Variants in C13orf42 observed in about 807,000 individuals in gnomAD.
C13orf42 encodes the protein uncharacterized protein C13orf42.
intron 1 of C13orf42, among the ~76,000 whole-genome samples, chr13:51,137,912 A>G (rs765803950): frequency 6.6e-6 from 1 of 152,178 alleles, no homozygotes; most frequent in Non-Finnish European, 1.5e-5. Context: ...TTACTTACAA[A>G]TGTGCCATGG....
intron 1 of C13orf42, among the ~76,000 whole-genome samples, chr13:51,129,485 T>A (rs895853083): frequency 6.6e-6 from 1 of 152,064 alleles, no homozygotes; most frequent in Non-Finnish European, 1.5e-5. Flanking sequence ...CGCCTGAAGA[T>A]CCCTTCATGA....
intron 2 of C13orf42, among the ~76,000 whole-genome samples, chr13:51,086,032 C>T (rs940465249): frequency 2.0e-5 from 3 of 150,408 alleles, no homozygotes; most frequent in Non-Finnish European, 3.0e-5. Flanking sequence ...AAAGGCCAGG[C>T]GTGGTGGCTC....
intron 1 of C13orf42, among the ~76,000 whole-genome samples, chr13:51,131,030 T>C (rs1322372528): frequency 6.6e-6 from 1 of 152,192 alleles, no homozygotes; most frequent in Non-Finnish European, 1.5e-5. Flanking sequence ...ACATATTAGC[T>C]AAAGCTAAAG....
At position 51,124,409 on chromosome 13, in the gene C13orf42, A is replaced by G. The variant is rs903854282; in HGVS notation, n.137-11187T>C. Among the ~76,000 whole-genome samples the G allele has an allele frequency of 2.6e-5, 4 of 152,320 alleles. No individual in the cohort carries two copies. The East Asian group carries it at 7.7e-4, about 29-fold the overall frequency. On this transcript the variant is annotated intron_variant and non_coding_transcript_variant, in intron 1 of 4. Coordinates refer to the C13orf42 transcript ENST00000433280. Reference sequence around the variant, plus strand: ...TAAATCGGCTGTCTAGGCTGCGGACAAGGTGAATCCACTGGGCGGTTACAT... The same window carrying G: ...TAAATCGGCTGTCTAGGCTGCGGACGAGGTGAATCCACTGGGCGGTTACAT...
chr13:51,104,678 G>A (rs965568749), intron 1 of C13orf42, among the ~76,000 whole-genome samples: 3 of 151,882 alleles, frequency 2.0e-5, no homozygotes, highest in Admixed American at 6.6e-5. Flanking sequence ...AAATTAGATG[G>A]TGGTGAAGAT....
At chr13:51,147,413 G>A (rs1405325841) in intron 1 of C13orf42, among the ~76,000 whole-genome samples, 4 of 148,874 alleles carry the variant, frequency 2.7e-5, no homozygotes, top group African/African-American at 1.0e-4. Flanking sequence ...TGATCCTCCA[G>A]GGCTCTGTGG....
chr13:51,170,468 T>A (rs9316525), intron 1 of C13orf42, among the ~76,000 whole-genome samples: 1 of 152,024 alleles, frequency 6.6e-6, no homozygotes, highest in Non-Finnish European at 1.5e-5. Context: ...ATCCGGTAAG[T>A]GGCCTCTTTT....
At chr13:51,156,235 T>C (rs1038969045) in intron 1 of C13orf42, among the ~76,000 whole-genome samples, 3 of 151,854 alleles carry the variant, frequency 2.0e-5, no homozygotes, top group African/African-American at 7.3e-5. Context: ...TAGGCCTATA[T>C]TTCTACTTTA....
intron 1 of C13orf42, among the ~76,000 whole-genome samples, chr13:51,158,625 T>A (rs1953840627): frequency 6.6e-6 from 1 of 152,168 alleles, no homozygotes; most frequent in African/African-American, 2.4e-5. Context: ...TCCAGCAGGG[T>A]CTGTCTCTGG....
chr13:51,098,206 T>C (rs1277569674), intron 1 of C13orf42, among the ~76,000 whole-genome samples: 1 of 152,114 alleles, frequency 6.6e-6, no homozygotes, highest in Non-Finnish European at 1.5e-5. Context: ...GTACCTGAGA[T>C]GCTCCCTTCC....
intron 1 of C13orf42, among the ~76,000 whole-genome samples, chr13:51,166,146 T>C (rs868437640): frequency 3.9e-5 from 6 of 152,194 alleles, no homozygotes; most frequent in Non-Finnish European, 7.4e-5. Flanking sequence ...TTAATGAACT[T>C]ACTTTCTGGT....
At chr13:51,167,420 T>A (rs1953911846) in intron 1 of C13orf42, among the ~76,000 whole-genome samples, 1 of 152,204 alleles carries the variant, frequency 6.6e-6, no homozygotes, top group Non-Finnish European at 1.5e-5. Context: ...TGAAAAGCCC[T>A]GTTTAGATAT....
intron 1 of C13orf42, among the ~76,000 whole-genome samples, chr13:51,156,413 C>T (rs139447113): frequency 2.0e-3 from 300 of 152,280 alleles, no homozygotes; most frequent in African/African-American, 4.5e-3. Context: ...GCTGCCACTA[C>T]GCCCTTTCCT....
rs1405041801 is a variant in C13orf42, at chr13:51,085,366, T to C, written c.756A>G (p.Glu252=). 1.3e-5 allele frequency: 5 copies of C among 398,474 alleles called. No individual in the cohort carries two copies. In the East Asian group the frequency reaches 1.8e-4, roughly 14 times the overall value. 24.7% of individuals were successfully genotyped at this position (398,474 alleles called of 1,614,324 possible). ...RHPIYLPKAV[E]GAFNTWKFKP... Reference sequence around the variant, plus strand: ...TAAATTTCCAGGTGTTGAAGGCCCCTTCCACAGCCTTGGGCAAATAAATGG... The same window carrying C: ...TAAATTTCCAGGTGTTGAAGGCCCCCTCCACAGCCTTGGGCAAATAAATGG... The change falls in exon 3 of 4, where the codon GAA becomes GAG. Residue 252 remains glutamate (E), a synonymous_variant. Transcript: ENST00000563710.
At chr13:51,141,246 TTTTCTCAGTTGAATGAA>T (rs777720152) in intron 1 of C13orf42, among the ~76,000 whole-genome samples, 6 of 151,830 alleles carry the variant, frequency 4.0e-5, no homozygotes, top group Middle Eastern at 3.4e-3. Flanking sequence ...TTTGTTTTTT[TTTTCTCAGTTGAATGAA>T]TTCTGTTTCC....
At chr13:51,148,353 G>A (rs181928371) in intron 1 of C13orf42, among the ~76,000 whole-genome samples, 16 of 152,336 alleles carry the variant, frequency 1.1e-4, no homozygotes, top group Admixed American at 3.3e-4. Flanking sequence ...ACACACGCAC[G>A]GCCCCTGCCC....
At chr13:51,120,666 G>A (rs1395580375) in intron 1 of C13orf42, among the ~76,000 whole-genome samples, 2 of 152,112 alleles carry the variant, frequency 1.3e-5, no homozygotes, top group South Asian at 2.1e-4. Flanking sequence ...TTCTATTTTC[G>A]GTTCTGTCAG....
intron 1 of C13orf42, among the ~76,000 whole-genome samples, chr13:51,137,525 A>G (rs1030013772): frequency 5.3e-5 from 8 of 152,020 alleles, no homozygotes; most frequent in African/African-American, 9.7e-5. Flanking sequence ...CTGGCTCCAG[A>G]CCCAGCACCA....
At chr13:51,116,649 C>G (rs542826548) in intron 1 of C13orf42, among the ~76,000 whole-genome samples, 1 of 152,348 alleles carries the variant, frequency 6.6e-6, no homozygotes, top group South Asian at 2.1e-4. Context: ...TAAGTAGGAG[C>G]TCCATGTGAT....
Sources: allele counts gnomAD v4.1 joint callset (sites outside exome capture counted in the v4.1 genomes callset), GRCh38; gene constraint gnomAD v4.1.1; transcripts MANE v1.5; gene names NCBI Gene and HGNC (gene_info 2026-07-23, HGNC 2026-07-21).